SKAP1: variants seen among roughly 807,000 people sequenced by gnomAD.
SKAP1 encodes the protein src kinase associated phosphoprotein 1, also known as src kinase-associated phosphoprotein 1.
In SKAP1, 44 loss-of-function variants were observed where a neutral mutation model predicts 58.5. That is an observed-to-expected ratio of 0.75 (90% confidence interval 0.59 to 0.97). The LOEUF is 0.97. Ranked by LOEUF, SKAP1 falls within the 50% of genes least tolerant of loss-of-function variation. The probability of loss-of-function intolerance (pLI) is 0.00; values close to 1 mark genes in which losing one functional copy is unlikely to be tolerated. For synonymous variants in SKAP1, 127 were observed against 149.7 expected (o/e 0.85, Z 1.11); for missense variants, 390 against 435.2 (o/e 0.90, Z 0.92).
At chr17:48,361,666 ATTCATCCCATCATC>A (rs1374965194) in intron 3 of SKAP1, among the ~76,000 whole-genome samples, 1 of 152,202 alleles carries the variant, frequency 6.6e-6, no homozygotes, top group Non-Finnish European at 1.5e-5. Context: ...AGTTAATAAA[ATTCATCCCATCATC>A]TTCTTGTACA....
At chr17:48,403,424 T>A (rs895348666) in intron 1 of SKAP1, among the ~76,000 whole-genome samples, 1 of 151,630 alleles carries the variant, frequency 6.6e-6, no homozygotes, top group Non-Finnish European at 1.5e-5. Context: ...ATAGTTAAAA[T>A]ATATATACAT....
intron 4 of SKAP1, among the ~76,000 whole-genome samples, chr17:48,217,057 A>G (rs2064949075): frequency 6.6e-6 from 1 of 152,108 alleles, no homozygotes; most frequent in Non-Finnish European, 1.5e-5. Context: ...CTCTTATCAC[A>G]TATTTTATTT....
Position 48,293,649 on chromosome 17 carries a change from G to A in SKAP1, c.280+52256C>T, listed in dbSNP as rs926884643. 3.3e-5 allele frequency among the ~76,000 whole-genome samples: 5 copies of A among 152,156 alleles called. No individual in the cohort carries two copies. In the South Asian group the frequency reaches 8.3e-4, roughly 25 times the overall value. On this transcript the variant is annotated intron_variant, in intron 4 of 12. Transcript: ENST00000336915. ...AGGCTTACAAGTCAGCTTTTAAAACGTAATAATGATAGCATCTATAATACT... is the reference window on the plus strand; with the variant it reads ...AGGCTTACAAGTCAGCTTTTAAAACATAATAATGATAGCATCTATAATACT...
At chr17:48,179,937 C>T in intron 9 of SKAP1, 117 bp downstream of exon 9, 1 of 938,768 alleles carries the variant, frequency 1.1e-6, no homozygotes, top group Admixed American at 2.4e-5. Flanking sequence ...ACATTATCTC[C>T]TTCAGAGGAT....
intron 4 of SKAP1, chr17:48,193,840 T>A: frequency 1.7e-6 from 1 of 581,870 alleles, no homozygotes; most frequent in Non-Finnish European, 2.2e-6. Flanking sequence ...AAATATGCTT[T>A]AAAGGACGGT....
At chr17:48,265,732 G>A (rs767151493) in intron 4 of SKAP1, among the ~76,000 whole-genome samples, 20 of 152,202 alleles carry the variant, frequency 1.3e-4, no homozygotes, top group Middle Eastern at 3.4e-3. Context: ...CACCCGAACT[G>A]TAACCTTTCT....
the SKAP1 span, among the ~76,000 whole-genome samples, chr17:48,440,710 A>C: frequency 6.6e-6 from 1 of 152,222 alleles, no homozygotes; most frequent in Non-Finnish European, 1.5e-5. Flanking sequence ...CAGTGGACTC[A>C]TACCCCAAGA....
chr17:48,330,857 AG>A (rs1379813327), intron 4 of SKAP1, among the ~76,000 whole-genome samples: 7 of 152,126 alleles, frequency 4.6e-5, no homozygotes, highest in Admixed American at 1.3e-4. Context: ...CAAGTAACCA[AG>A]TAAAGAGAGC....
intron 2 of SKAP1, among the ~76,000 whole-genome samples, chr17:48,381,844 C>T (rs1284805603): frequency 6.6e-6 from 1 of 152,044 alleles, no homozygotes; most frequent in Non-Finnish European, 1.5e-5. Context: ...TTGTGTTCAC[C>T]ACAAAAATGC....
intron 1 of SKAP1, among the ~76,000 whole-genome samples, chr17:48,423,227 G>A (rs1006744938): frequency 6.6e-6 from 1 of 152,194 alleles, no homozygotes; most frequent in African/African-American, 2.4e-5. Context: ...CCCCAGCTGA[G>A]AGGAGTGGAT....
chr17:48,288,904 A>C (rs1274544408), intron 4 of SKAP1, among the ~76,000 whole-genome samples: 3 of 152,184 alleles, frequency 2.0e-5, no homozygotes, highest in African/African-American at 7.2e-5. Flanking sequence ...CAAAATAGCT[A>C]CTTGTAATAT....
intron 1 of SKAP1, among the ~76,000 whole-genome samples, chr17:48,414,995 G>T (rs2067714269): frequency 6.6e-6 from 1 of 152,172 alleles, no homozygotes; most frequent in South Asian, 2.1e-4. Context: ...TCTAAGTAAT[G>T]CTCCTAGTAC....
upstream of SKAP1, among the ~76,000 whole-genome samples, chr17:48,430,990 G>A (rs2067910821): frequency 6.6e-6 from 1 of 152,218 alleles, no homozygotes. Context: ...ACCCTTGGGG[G>A]AAACTGGGTA....
At chr17:48,372,099 G>T (rs773075322) in intron 2 of SKAP1, among the ~76,000 whole-genome samples, 58 of 152,038 alleles carry the variant, frequency 3.8e-4, no homozygotes, top group Middle Eastern at 3.4e-3. Flanking sequence ...AGCCTCCTGA[G>T]TAGCTAGGAT....
At chr17:48,224,038 A>AGAAGGAGGAGG (rs1372629777) in intron 4 of SKAP1, among the ~76,000 whole-genome samples, 10 of 52,404 alleles carry the variant, frequency 1.9e-4, no homozygotes, top group Non-Finnish European at 3.6e-4. Flanking sequence ...GAGAGAGAAG[A>AGAAGGAGGAGG]AGGAGGAGGA....
chr17:48,377,326 C>G (rs934608069), intron 2 of SKAP1: 1 of 152,064 alleles, frequency 6.6e-6, no homozygotes, highest in Non-Finnish European at 1.5e-5. Flanking sequence ...ATAATTCCAG[C>G]ATTTTAGGAG....
chr17:48,326,101 T>G (rs571326695), intron 4 of SKAP1, among the ~76,000 whole-genome samples: 20 of 151,142 alleles, frequency 1.3e-4, no homozygotes, highest in Non-Finnish European at 2.8e-4. Context: ...AAAATAGTTA[T>G]GTTATATTAA....
chr17:48,402,724 T>C (rs1054314040), intron 1 of SKAP1, among the ~76,000 whole-genome samples: 7 of 152,208 alleles, frequency 4.6e-5, no homozygotes, highest in African/African-American at 1.7e-4. Flanking sequence ...CAATGGAATA[T>C]TATTCAGCAA....
At chr17:48,242,458 C>T (rs976322539) in intron 4 of SKAP1, among the ~76,000 whole-genome samples, 3 of 152,180 alleles carry the variant, frequency 2.0e-5, no homozygotes, top group Admixed American at 1.3e-4. Context: ...ACAGCAACAC[C>T]ATCACCAACT....
Sources: allele counts gnomAD v4.1 joint callset (sites outside exome capture counted in the v4.1 genomes callset), GRCh38; gene constraint gnomAD v4.1.1; transcripts MANE v1.5; gene names NCBI Gene and HGNC (gene_info 2026-07-23, HGNC 2026-07-21).